The following SRBD1 variants were observed in gnomAD, a reference collection of about 807,000 sequenced individuals.
The protein encoded by SRBD1 is S1 RNA-binding domain-containing protein 1.
In SRBD1, 88 loss-of-function variants were observed where a neutral mutation model predicts 115.3. The observed-to-expected ratio is 0.76, with a 90% CI of 0.64 to 0.91. The LOEUF is 0.91. Among genes scored for constraint, SRBD1 ranks in the 40% least tolerant of loss-of-function variants. SRBD1 has a pLI of 0.00. For missense variants in SRBD1, 1,385 were observed against 1,177.4 expected, an observed-to-expected ratio of 1.18 and a Z score of -2.58; for synonymous variants, 509 against 407.7, an observed-to-expected ratio of 1.25 and a Z score of -2.99.
chr2:45,579,522 T>C (rs944240571), intron 7 of SRBD1, among the ~76,000 whole-genome samples: 14 of 151,818 alleles, frequency 9.2e-5, no homozygotes, highest in Non-Finnish European at 1.9e-4. Flanking sequence ...ATAATAAAAC[T>C]CAACTAATAC....
At chr2:45,550,818 TA>T (rs1414634054) in intron 12 of SRBD1, among the ~76,000 whole-genome samples, 1 of 152,208 alleles carries the variant, frequency 6.6e-6, no homozygotes, top group Non-Finnish European at 1.5e-5. Flanking sequence ...ATGCATCATA[TA>T]TAAATGCATC....
At chr2:45,473,115 A>G (rs981933008) in intron 16 of SRBD1, among the ~76,000 whole-genome samples, 8 of 151,940 alleles carry the variant, frequency 5.3e-5, no homozygotes, top group Non-Finnish European at 1.0e-4. Context: ...TTTATTTCCT[A>G]TACTTTCTTA....
chr2:45,576,758 A>G (rs1193720627), intron 7 of SRBD1, among the ~76,000 whole-genome samples: 13 of 152,208 alleles, frequency 8.5e-5, no homozygotes, highest in Admixed American at 8.5e-4. Flanking sequence ...TCATCACATG[A>G]AGTTTAATGA....
intron 4 of SRBD1, among the ~76,000 whole-genome samples, chr2:45,591,672 TAGAC>T (rs1428674378): frequency 1.3e-5 from 2 of 152,168 alleles, no homozygotes; most frequent in Non-Finnish European, 2.9e-5. Context: ...TACAGGTAGT[TAGAC>T]AGGCATGAGC....
intron 10 of SRBD1, among the ~76,000 whole-genome samples, chr2:45,554,763 G>A (rs1193845294): frequency 1.3e-5 from 2 of 151,988 alleles, no homozygotes; most frequent in African/African-American, 4.8e-5. Context: ...TTAATCATGA[G>A]GTCAGCTCAC....
chr2:45,496,111 T>C (rs2103878056), intron 14 of SRBD1, among the ~76,000 whole-genome samples: 1 of 152,350 alleles, frequency 6.6e-6, no homozygotes, highest in Admixed American at 6.5e-5. Context: ...ATTGTGAAGT[T>C]TGCTTAACAA....
chr2:45,606,871 T>C (rs1209851201), intron 1 of SRBD1, among the ~76,000 whole-genome samples: 1 of 152,228 alleles, frequency 6.6e-6, no homozygotes, highest in Non-Finnish European at 1.5e-5. Flanking sequence ...AACAAGTTTC[T>C]GACCCAGTCA....
intron 19 of SRBD1, among the ~76,000 whole-genome samples, chr2:45,409,838 A>G (rs1423175992): frequency 6.6e-6 from 1 of 152,216 alleles, no homozygotes; most frequent in Non-Finnish European, 1.5e-5. Context: ...TAAAAGACAC[A>G]GCTTAGAGAA....
chr2:45,590,061 G>C (rs1435653822), intron 4 of SRBD1, among the ~76,000 whole-genome samples: 2 of 152,224 alleles, frequency 1.3e-5, no homozygotes, highest in African/African-American at 4.8e-5. Flanking sequence ...GGAATTCCAG[G>C]AACAGAGAAT....
intron 4 of SRBD1, among the ~76,000 whole-genome samples, chr2:45,593,763 T>C (rs571419821): frequency 1.3e-5 from 2 of 152,314 alleles, no homozygotes; most frequent in African/African-American, 4.8e-5. Flanking sequence ...CTGTTCTCCT[T>C]ACCCTTACCT....
chr2:45,425,061 C>A (rs889419064), intron 16 of SRBD1, among the ~76,000 whole-genome samples: 1 of 152,228 alleles, frequency 6.6e-6, no homozygotes, highest in Admixed American at 6.5e-5. Flanking sequence ...CTGTACTTAG[C>A]CCCCCTGAGC....
intron 15 of SRBD1, among the ~76,000 whole-genome samples, chr2:45,482,434 C>A (rs181200034): frequency 6.6e-6 from 1 of 151,918 alleles, no homozygotes; most frequent in Admixed American, 6.6e-5. Flanking sequence ...CATATGCTAT[C>A]GAACCAATAA....
Position 45,389,069 on chromosome 2 carries a change from C to A in SRBD1, c.*241G>T. 2.3e-6 allele frequency: 1 copy of A among 442,892 alleles called. No homozygotes were observed. Among genetic ancestry groups the A allele is most frequent in the Non-Finnish European group, 3.9e-6 (1 of 256,954 alleles). The allele number at this position is 442,892 out of a possible 1,614,324, so 27.4% of individuals were successfully genotyped here. ...AAAAAACAAAATTTTAGTCAGAAAACTATTACTACATAAAGCCATATAAGA... is the reference window on the plus strand; with the variant it reads ...AAAAAACAAAATTTTAGTCAGAAAAATATTACTACATAAAGCCATATAAGA... On this transcript the variant is annotated 3_prime_UTR_variant, in exon 21 of 21. Coordinates refer to ENST00000263736, the MANE Select transcript of SRBD1 (RefSeq NM_018079.5).
chr2:45,463,384 G>T (rs1049446958), intron 16 of SRBD1, among the ~76,000 whole-genome samples: 2 of 152,018 alleles, frequency 1.3e-5, no homozygotes, highest in African/African-American at 4.8e-5. Flanking sequence ...AATTACATTT[G>T]CCTGTGCTAT....
chr2:45,485,725 C>G (rs1287995408), intron 15 of SRBD1, among the ~76,000 whole-genome samples: 1 of 152,120 alleles, frequency 6.6e-6, no homozygotes, highest in Non-Finnish European at 1.5e-5. Context: ...TCTTATACAG[C>G]AAACTTTTAG....
At chr2:45,415,682 GGGACGGGAGAGGAGAGGAGA>G (rs1667803245) in intron 18 of SRBD1, among the ~76,000 whole-genome samples, 1 of 7,776 alleles carries the variant, frequency 1.3e-4, no homozygotes, top group African/African-American at 5.8e-4. Flanking sequence ...GGGAGGGGAG[GGGACGGGAGAGGAGAGGAGA>G]GGAGAGGAGA....
chr2:45,567,924 C>T (rs779384537), intron 9 of SRBD1: 2 of 152,074 alleles, frequency 1.3e-5, no homozygotes, highest in African/African-American at 2.4e-5. Context: ...TAATGTAATA[C>T]GTCAAACTTA....
chr2:45,520,744 T>A (rs1572728385), intron 14 of SRBD1, among the ~76,000 whole-genome samples: 1 of 152,102 alleles, frequency 6.6e-6, no homozygotes, highest in South Asian at 2.1e-4. Flanking sequence ...GAGAGAAGAA[T>A]CAGCCACTGT....
intron 10 of SRBD1, among the ~76,000 whole-genome samples, chr2:45,561,752 A>G (rs1672671367): frequency 6.6e-6 from 1 of 152,254 alleles, no homozygotes; most frequent in Non-Finnish European, 1.5e-5. Context: ...GTATTATACA[A>G]ACATGGTGCT....
Sources: allele counts gnomAD v4.1 joint callset (sites outside exome capture counted in the v4.1 genomes callset), GRCh38; gene constraint gnomAD v4.1.1; transcripts MANE v1.5; gene names NCBI Gene and HGNC (gene_info 2026-07-23, HGNC 2026-07-21).